RPGR: variants seen among roughly 807,000 people sequenced by gnomAD.
RPGR encodes the protein X-linked retinitis pigmentosa GTPase regulator.
Under a neutral mutation model 56.3 loss-of-function variants are expected in RPGR, and 10 were observed. The observed-to-expected ratio is 0.18, with a 90% CI of 0.11 to 0.30. The LOEUF is 0.30. Among genes scored for constraint, RPGR ranks in the 10% least tolerant of loss-of-function variants. The pLI is 1.00. For missense variants in RPGR, 538 were observed against 590.9 expected (o/e 0.91, Z 0.93); for synonymous variants, 197 against 212.9 (o/e 0.93, Z 0.65).
Position 38,327,328 on chromosome X carries a change from G to A in RPGR, c.28+12C>T, listed in dbSNP as rs375653824. 5.1e-6 allele frequency: 6 copies of A among 1,185,113 alleles called. No homozygotes were observed. Among genetic ancestry groups the A allele is most frequent in the Non-Finnish European group, 6.8e-6 (6 of 885,111 alleles). ...CTCCCGGCCTTCCGCCACCGGCGCG[G>A]GCGCAACTCACCGGGCATCAGCTCT... On this transcript the variant is annotated intron_variant, in intron 1 of 18. Coordinates refer to ENST00000642395, the MANE Select transcript of RPGR (RefSeq NM_000328.3).
intron 13 of RPGR, among the ~76,000 whole-genome samples, chrX:38,289,783 T>C (rs1023448660): frequency 3.5e-5 from 4 of 112,702 alleles, no homozygotes; most frequent in African/African-American, 1.3e-4. Flanking sequence ...CTGGCTGTTC[T>C]TGCTATTGCT....
chrX:38,303,118 G>C (rs764613338), intron 8 of RPGR, among the ~76,000 whole-genome samples: 2 of 110,905 alleles, frequency 1.8e-5, no homozygotes, highest in African/African-American at 6.6e-5. Flanking sequence ...TTTTCAACCT[G>C]ATTTCTTTAC....
At chrX:38,274,957 T>C in intron 17 of RPGR, 1 of 520,052 alleles carries the variant, frequency 1.9e-6, no homozygotes, top group Non-Finnish European at 3.3e-6. Flanking sequence ...ATGAGGATCA[T>C]GTGACAGTAA....
chrX:38,297,449 T>G lies in RPGR; in HGVS notation c.1249A>C (p.Arg417=), dbSNP rs2067410314. The change falls in exon 11 of 19, where the codon AGG becomes CGG. Residue 417 remains arginine (R), a synonymous_variant. Transcript: ENST00000642395. Reference sequence around the variant, plus strand: ...CTCATTGAAAAAGAATCTGGAGACCTCTCCTTTAAAATAAGCAGGTTAAAC... The same window carrying G: ...CTCATTGAAAAAGAATCTGGAGACCGCTCCTTTAAAATAAGCAGGTTAAAC... 2 of 1,199,839 alleles carry G rather than the reference T, an allele frequency of 1.7e-6. No individual in the cohort carries two copies. Among genetic ancestry groups the G allele is most frequent in the Admixed American group, 2.2e-5 (1 of 45,493 alleles).
rs1471112052 is a variant in RPGR at position 38,288,048 on chromosome X, A to T, written c.1573-7T>A. On this transcript the variant is annotated splice_polypyrimidine_tract_variant and splice_region_variant and intron_variant, in intron 13 of 18. Coordinates refer to ENST00000642395, the MANE Select transcript of RPGR (RefSeq NM_000328.3). ...CCCCAATTGTTTGTTGTTTCTGTAA[A>T]TTTTTTGAAGTAATTATCATATGTC... The T allele has an allele frequency of 9.1e-6, 11 of 1,202,543 alleles. No homozygotes were observed. The highest frequency in any genetic ancestry group is 1.2e-5 in the Non-Finnish European group (11 of 888,768).
At position 38,269,613 on chromosome X, in the gene RPGR, C is replaced by T; in HGVS notation, c.*13G>A. On this transcript the variant is annotated 3_prime_UTR_variant, in exon 19 of 19. Transcript: ENST00000642395. ...ACAATACACTTGGTGACTGTGAAAACATAAATATATATTTATAGTATTGTA... is the reference window on the plus strand; with the variant it reads ...ACAATACACTTGGTGACTGTGAAAATATAAATATATATTTATAGTATTGTA... 8.9e-7 allele frequency: 1 copy of T among 1,122,016 alleles called. No homozygotes were observed. The highest frequency in any genetic ancestry group is 2.2e-5 in the Admixed American group (1 of 45,833). 92.5% of individuals were successfully genotyped at this position (1,122,016 alleles called of 1,213,427 possible).
At chrX:38,301,175 T>C (rs961058095) in intron 9 of RPGR, 72 bp downstream of exon 9, 1 of 923,606 alleles carries the variant, frequency 1.1e-6, no homozygotes, top group South Asian at 2.2e-5. Context: ...AAATTACTTA[T>C]TTTCTATGAA....
intron 15 of RPGR, among the ~76,000 whole-genome samples, chrX:38,283,411 C>A (rs1316508764): frequency 8.9e-6 from 1 of 111,847 alleles, no homozygotes; most frequent in African/African-American, 3.3e-5. Flanking sequence ...TGGTAATGAA[C>A]AACTGCTGTT....
intron 1 of RPGR, among the ~76,000 whole-genome samples, chrX:38,324,137 G>A (rs765617331): frequency 5.4e-5 from 6 of 111,805 alleles, no homozygotes; most frequent in South Asian, 3.8e-4. Context: ...AGCTTGAAGC[G>A]CAGTGGCACA....
At position 38,322,749 on chromosome X, in the gene RPGR, G is replaced by A. The variant is rs1478480421; in HGVS notation, c.247+104C>T. 8.1e-6 allele frequency: 5 copies of A among 621,034 alleles called. No individual in the cohort carries two copies. The East Asian group carries it at 1.4e-4, about 17-fold the overall frequency. 51.2% of individuals were successfully genotyped at this position (621,034 alleles called of 1,213,427 possible). On this transcript the variant is annotated intron_variant, in intron 3 of 18. Coordinates refer to ENST00000642395, the MANE Select transcript of RPGR (RefSeq NM_000328.3). ...GCTAATAATATTCAAGCAAATGTCA[G>A]AAAATAAAGAACTAAAAGCTTTATT... is the stretch of plus-strand genomic sequence containing the variant.
intron 13 of RPGR, 120 bp from the exon 14 acceptor site, chrX:38,288,161 G>C: frequency 1.5e-6 from 1 of 645,459 alleles, no homozygotes; most frequent in Non-Finnish European, 2.4e-6. Flanking sequence ...AATCAAAATA[G>C]CAAGTTTTAC....
At position 38,301,364 on chromosome X, in the gene RPGR, G is replaced by A. The variant is rs968408956; in HGVS notation, c.942C>T (p.Gly314=). The A allele has an allele frequency of 4.2e-6, 5 of 1,202,980 alleles. No homozygotes were observed. In the Admixed American group the frequency reaches 8.8e-5, roughly 21 times the overall value. The stretch of plus-strand genomic sequence containing the variant: ...GACCATCTCCAAAAGTATACATAAG[G>A]CCGATATCTAAAATGCAAAAATAAT... The change falls in exon 9 of 19, where the codon GGC becomes GGT. Residue 314 remains glycine (G), a synonymous_variant. Coordinates refer to ENST00000642395, the MANE Select transcript of RPGR (RefSeq NM_000328.3).
At chrX:38,271,102 A>C (rs558749135) in intron 18 of RPGR, among the ~76,000 whole-genome samples, 21 of 112,550 alleles carry the variant, frequency 1.9e-4, no homozygotes, top group African/African-American at 6.8e-4. Flanking sequence ...TGCCAAAACA[A>C]AAAGCAGGAA....
At chrX:38,281,505 C>T (rs1409347688) in intron 15 of RPGR, among the ~76,000 whole-genome samples, 3 of 112,032 alleles carry the variant, frequency 2.7e-5, no homozygotes, top group Non-Finnish European at 5.6e-5. Flanking sequence ...TTATATTTTG[C>T]TATTATGTTA....
chrX:38,269,919 G>A (rs935530142), intron 18 of RPGR: 8 of 640,478 alleles, frequency 1.2e-5, no homozygotes, highest in African/African-American at 8.8e-5. Flanking sequence ...TTTTCAACAC[G>A]TAAGAACATG....
At chrX:38,299,413 T>C (rs1251982626) in intron 9 of RPGR, among the ~76,000 whole-genome samples, 1 of 112,285 alleles carries the variant, frequency 8.9e-6, no homozygotes, top group Non-Finnish European at 1.9e-5. Flanking sequence ...CAATTTAAAA[T>C]AATATAGAGA....
chrX:38,300,964 C>T (rs144691659), intron 9 of RPGR, among the ~76,000 whole-genome samples: 2,247 of 111,693 alleles, frequency 0.02, 37 homozygotes, highest in Middle Eastern at 0.051. Context: ...GATACAAAGC[C>T]TGCGGGCATG....
At chrX:38,323,322 A>G in intron 2 of RPGR, 77 bp downstream of exon 2, 1 of 925,664 alleles carries the variant, frequency 1.1e-6, no homozygotes, top group Non-Finnish European at 1.5e-6. Flanking sequence ...CATGTTTAAA[A>G]CACAGCAGCA....
intron 10 of RPGR, among the ~76,000 whole-genome samples, chrX:38,298,010 G>A (rs944774666): frequency 7.2e-5 from 8 of 111,888 alleles, no homozygotes; most frequent in African/African-American, 2.0e-4. Context: ...GCTCATGCCT[G>A]TAATCCCAGC....
Sources: allele counts gnomAD v4.1 joint callset (sites outside exome capture counted in the v4.1 genomes callset), GRCh38; gene constraint gnomAD v4.1.1; transcripts MANE v1.5; gene names NCBI Gene and HGNC (gene_info 2026-07-23, HGNC 2026-07-21).